NR1H4: variants seen among roughly 807,000 people sequenced by gnomAD.
The protein encoded by NR1H4 is bile acid receptor.
NR1H4 carries 23 observed loss-of-function variants against 58.5 expected under a neutral mutation model. The ratio of observed to expected loss-of-function variants is 0.39; its 90% CI spans 0.28 to 0.56. The LOEUF is 0.56. Ranked by LOEUF, NR1H4 falls within the 20% of genes least tolerant of loss-of-function variation. The pLI, the probability that NR1H4 is intolerant of heterozygous loss-of-function variation, is 0.58. For missense variants in NR1H4, 487 were observed against 576.9 expected (o/e 0.84, Z 1.60); for synonymous variants, 214 against 198.0 (o/e 1.08, Z -0.68).
intron 3 of NR1H4, among the ~76,000 whole-genome samples, chr12:100,498,203 T>C (rs1271382377): frequency 6.6e-6 from 1 of 152,190 alleles, no homozygotes; most frequent in Non-Finnish European, 1.5e-5. Context: ...ATGTTACAAT[T>C]AATCCAGAGT....
At chr12:100,494,828 C>A (rs1462624672) in intron 3 of NR1H4, among the ~76,000 whole-genome samples, 1 of 152,150 alleles carries the variant, frequency 6.6e-6, no homozygotes, top group African/African-American at 2.4e-5. Context: ...AAATTGCACT[C>A]AAGATTTTTT....
chr12:100,479,618 C>T (rs1050904271), intron 1 of NR1H4, among the ~76,000 whole-genome samples: 1 of 152,242 alleles, frequency 6.6e-6, no homozygotes, highest in Admixed American at 6.5e-5. Context: ...ACCCTCCACG[C>T]TCAGAAAGAT....
chr12:100,491,947 G>A (rs1260933045), intron 1 of NR1H4, among the ~76,000 whole-genome samples: 2 of 151,908 alleles, frequency 1.3e-5, no homozygotes, highest in Admixed American at 1.3e-4. Flanking sequence ...CTCTATTACA[G>A]CATCCTGTTA....
intron 3 of NR1H4, among the ~76,000 whole-genome samples, chr12:100,502,875 A>G (rs1953867250): frequency 6.6e-6 from 1 of 152,162 alleles, no homozygotes; most frequent in African/African-American, 2.4e-5. Context: ...ATCTTGTGAG[A>G]CTTACTCACT....
chr12:100,482,122 A>T (rs999541247), intron 1 of NR1H4, among the ~76,000 whole-genome samples: 2 of 152,076 alleles, frequency 1.3e-5, no homozygotes, highest in African/African-American at 4.8e-5. Context: ...AACAAACAAC[A>T]AAAACCCTGA....
chr12:100,557,571 T>C (rs896433634), intron 9 of NR1H4, among the ~76,000 whole-genome samples: 5 of 152,224 alleles, frequency 3.3e-5, no homozygotes, highest in Admixed American at 6.5e-5. Flanking sequence ...TTGTACCCAA[T>C]AGGTAATCTT....
At chr12:100,491,057 A>T (rs1953594373) in intron 1 of NR1H4, among the ~76,000 whole-genome samples, 2 of 152,114 alleles carry the variant, frequency 1.3e-5, no homozygotes, top group South Asian at 4.1e-4. Context: ...GGCCTTCCAA[A>T]GTGATGGGAT....
chr12:100,558,037 G>T (rs1565785740), intron 9 of NR1H4, among the ~76,000 whole-genome samples: 1 of 151,670 alleles, frequency 6.6e-6, no homozygotes, highest in East Asian at 1.9e-4. Context: ...TAAGAAGTCT[G>T]TTTTTTTTGT....
At chr12:100,517,349 A>G (rs1230907399) in intron 4 of NR1H4, among the ~76,000 whole-genome samples, 11 of 152,248 alleles carry the variant, frequency 7.2e-5, no homozygotes, top group Non-Finnish European at 1.5e-5. Flanking sequence ...ATGTTATCAC[A>G]AATGGCAGGA....
At chr12:100,538,406 T>C (rs906863012) in intron 8 of NR1H4, among the ~76,000 whole-genome samples, 2 of 151,940 alleles carry the variant, frequency 1.3e-5, no homozygotes, top group African/African-American at 2.4e-5. Context: ...AGAAGAGAGA[T>C]TCAAAAATCG....
In NR1H4 at chr12:100,536,599, A is replaced by G. The variant is rs1593109667; in HGVS notation, c.820A>G (p.Thr274Ala). 6.5e-7 allele frequency: 1 copy of G among 1,538,940 alleles called. No individual in the cohort carries two copies. Among genetic ancestry groups the G allele is most frequent in the Non-Finnish European group, 9.0e-7 (1 of 1,111,770 alleles). ...CAAACAGAGGATGCCTCAGGAAATA[A>G]CAAATAAAATTGTATGTATAATATC... ...YNKQRMPQEI[T>A]NKILKEEFSA... Residue 274 changes from threonine (T) to alanine (A), a missense_variant, in exon 7 of 11, where the codon ACA (threonine) becomes GCA (alanine). Transcript: ENST00000392986.
chr12:100,493,473 A>T (rs1953647452), intron 3 of NR1H4, 71 bp downstream of exon 3: 1 of 780,218 alleles, frequency 1.3e-6, no homozygotes, highest in Non-Finnish European at 2.2e-6. Context: ...GGAAATGCCT[A>T]GATGATGAGT....
In NR1H4 at chr12:100,487,737, GA is replaced by G. The variant is rs1414984905; in HGVS notation, c.-189-4765del. ...AATGATTCTCCTGCCTCAGCCTCCT[GA>G]GTAGCTTGGATTACAGGCACCTGCC... On this transcript the variant is annotated intron_variant, in intron 1 of 10. Transcript: ENST00000392986. Among the ~76,000 whole-genome samples, 10 of 151,452 alleles carry G rather than the reference GA, an allele frequency of 6.6e-5. 1 individual carries two copies. Among genetic ancestry groups the G allele is most frequent in the African/African-American group, 2.4e-4 (10 of 41,296 alleles).
At chr12:100,481,574 GAC>G (rs1331887816) in intron 1 of NR1H4, among the ~76,000 whole-genome samples, 1 of 152,032 alleles carries the variant, frequency 6.6e-6, no homozygotes, top group Non-Finnish European at 1.5e-5. Context: ...AGGAGTTCTA[GAC>G]CAGCCTGGGC....
At chr12:100,479,285 A>G (rs926600213) in intron 1 of NR1H4, among the ~76,000 whole-genome samples, 18 of 152,174 alleles carry the variant, frequency 1.2e-4, no homozygotes, top group Non-Finnish European at 2.4e-4. Flanking sequence ...TCAATCCCCA[A>G]ATCCATAAAG....
At chr12:100,504,249 T>C (rs1251979503) in intron 3 of NR1H4, among the ~76,000 whole-genome samples, 2 of 152,200 alleles carry the variant, frequency 1.3e-5, no homozygotes, top group Non-Finnish European at 2.9e-5. Flanking sequence ...TATTTTAATA[T>C]TTTTTAAAAC....
At chr12:100,496,949 C>T (rs1483982750) in intron 3 of NR1H4, among the ~76,000 whole-genome samples, 1 of 152,030 alleles carries the variant, frequency 6.6e-6, no homozygotes, top group African/African-American at 2.4e-5. Flanking sequence ...ATTTCTTCAC[C>T]CCTGTAATGT....
chr12:100,563,079 C>T (rs1052854635), intron 10 of NR1H4, among the ~76,000 whole-genome samples, 172 bp from the exon 11 acceptor site: 3 of 152,164 alleles, frequency 2.0e-5, no homozygotes, highest in East Asian at 3.9e-4. Flanking sequence ...ATCTTGATCT[C>T]GTTATAATTA....
chr12:100,548,218 T>A (rs1358443965), intron 9 of NR1H4, among the ~76,000 whole-genome samples: 1 of 150,600 alleles, frequency 6.6e-6, no homozygotes, highest in African/African-American at 2.4e-5. Context: ...ATATAAAAAA[T>A]TAGCCGGGCA....
Sources: gnomAD v4.1 joint callset for allele counts (sites outside exome capture counted in the v4.1 genomes callset) on GRCh38, gnomAD v4.1.1 for gene constraint, MANE v1.5 for transcripts, NCBI Gene and HGNC (gene_info 2026-07-23, HGNC 2026-07-21) for gene names.